Variants in CD300LF observed in about 807,000 individuals in gnomAD.
The protein encoded by CD300LF is CD300 molecule like family member f, also known as CMRF35-like molecule 1.
A neutral mutation model predicts 32.2 loss-of-function variants in CD300LF; 27 were observed. That is an observed-to-expected ratio of 0.84 (90% CI 0.62 to 1.15). The LOEUF is 1.15. CD300LF is among the 50% of genes most tolerant of loss of function. The pLI, the probability that CD300LF is intolerant of heterozygous loss-of-function variation, is 0.00. For missense variants in CD300LF, 348 were observed against 356.8 expected (o/e 0.98, Z 0.20); for synonymous variants, 139 against 143.2 (o/e 0.97, Z 0.21).
At chr17:74,702,922 C>A in intron 3 of CD300LF, 113 bp downstream of exon 3, 1 of 866,142 alleles carries the variant, frequency 1.2e-6, no homozygotes, top group East Asian at 2.5e-5. Context: ...TCATCCTCAC[C>A]AAGGAGCATG....
At chr17:74,707,200 C>T (rs2033591512) in intron 1 of CD300LF, among the ~76,000 whole-genome samples, 1 of 152,174 alleles carries the variant, frequency 6.6e-6, no homozygotes, top group Non-Finnish European at 1.5e-5. Flanking sequence ...AAGCGACAAC[C>T]TACAGAGTGA....
chr17:74,704,590 C>T lies in CD300LF; in HGVS notation c.270G>A (p.Thr90=), dbSNP rs149941064. Residue 90 remains threonine (T), a synonymous_variant, in exon 2 of 7, where the codon ACG becomes ACA. Transcript: ENST00000326165. ...TGAGATCCTCCATGGTCACAGTGAACGTGCGGTTTTTCTGATTGTCCTTGA... is the reference window on the plus strand; with the variant it reads ...TGAGATCCTCCATGGTCACAGTGAATGTGCGGTTTTTCTGATTGTCCTTGA... ...VSIKDNQKNR[T]FTVTMEDLMK... 71 of 1,614,046 alleles carry T rather than the reference C, an allele frequency of 4.4e-5. No individual in the cohort carries two copies. The highest frequency in any genetic ancestry group is 5.8e-5 in the Non-Finnish European group (69 of 1,180,034).
chr17:74,696,019 C>A (rs907448152), intron 5 of CD300LF, among the ~76,000 whole-genome samples, 160 bp from the exon 6 acceptor site: 1 of 152,184 alleles, frequency 6.6e-6, no homozygotes, highest in Non-Finnish European at 1.5e-5. Context: ...ACCCCTCAGC[C>A]CTTGTCCCCC....
At chr17:74,708,004 C>A (rs1256890143) in intron 1 of CD300LF, among the ~76,000 whole-genome samples, 1 of 151,568 alleles carries the variant, frequency 6.6e-6, no homozygotes, top group Non-Finnish European at 1.5e-5. Flanking sequence ...AAAAATTAGC[C>A]TGGCGTGGTG....
Position 74,695,103 on chromosome 17 carries a change from C to T in CD300LF, c.866G>A (p.Arg289Lys), listed in dbSNP as rs2032300400. ...EEPTEYSTIS[R>K]P The stretch of plus-strand genomic sequence containing the variant: ...AGGAGCCTGGAGTGCAGGCTAAGGC[C>T]TGCTGATGGTGCTGTATTCCGTGGG... The change falls in exon 7 of 7, where the codon AGG becomes AAG. Residue 289 changes from arginine (R) to lysine (K), a missense_variant. By Grantham distance (26) the Arg-to-Lys change is conservative. Transcript: ENST00000326165. 6.2e-7 allele frequency: 1 copy of T among 1,613,472 alleles called. No individual in the cohort carries two copies. Among genetic ancestry groups the T allele is most frequent in the African/African-American group, 1.3e-5 (1 of 74,894 alleles).
At chr17:74,702,886 G>A (rs571841977) in intron 3 of CD300LF, 149 bp downstream of exon 3, 4 of 640,996 alleles carry the variant, frequency 6.2e-6, no homozygotes, top group Admixed American at 2.7e-5. Flanking sequence ...TGGCCTGACA[G>A]CAAGTGGGAA....
In CD300LF at chr17:74,696,074, T is replaced by G. The variant is rs1011330546; in HGVS notation, c.582+121A>C. ...AGCCCCCAGGCCCTGCAGGGTGCCA[T>G]GAGGACAGGATACTTTGGCACAGGA... On this transcript the variant is annotated intron_variant, in intron 5 of 6. Coordinates refer to ENST00000326165, the MANE Select transcript of CD300LF (RefSeq NM_139018.5). 1.1e-5 allele frequency: 15 copies of G among 1,356,478 alleles called. No homozygotes were observed. The African/African-American group carries it at 1.6e-4, about 15-fold the overall frequency. 84.0% of individuals were successfully genotyped at this position (1,356,478 alleles called of 1,614,324 possible).
intron 4 of CD300LF, 132 bp from the exon 5 acceptor site, chr17:74,696,349 C>T: frequency 1.1e-6 from 1 of 892,670 alleles, no homozygotes; most frequent in Non-Finnish European, 1.7e-6. Context: ...GGACCTGGTT[C>T]TAATTCTGAT....
In CD300LF at chr17:74,694,531, T is replaced by G. The variant is rs1038175870; in HGVS notation, c.*565A>C. ...CCCACGTCCACTTCCATCATCACTT[T>G]GTCTCTACCTCTTTGACCTTCTGGC... On this transcript the variant is annotated 3_prime_UTR_variant, in exon 7 of 7. Transcript: ENST00000326165. 1.3e-5 allele frequency: 2 copies of G among 152,260 alleles called. No homozygotes were observed. Among genetic ancestry groups the G allele is most frequent in the Non-Finnish European group, 2.9e-5 (2 of 68,066 alleles). 9.4% of individuals were successfully genotyped at this position (152,260 alleles called of 1,614,324 possible).
At chr17:74,706,315 A>AT (rs1255491818) in intron 1 of CD300LF, among the ~76,000 whole-genome samples, 4 of 149,912 alleles carry the variant, frequency 2.7e-5, no homozygotes. Flanking sequence ...AAGTGCTGCG[A>AT]TTATAGGTGT....
chr17:74,705,094 C>T (rs555598691), intron 1 of CD300LF: 16 of 655,202 alleles, frequency 2.4e-5, no homozygotes, highest in Admixed American at 8.9e-5. Context: ...CTCCACCCTA[C>T]GGCCAAGGTA....
Position 74,704,816 on chromosome 17 carries a change from C to T in CD300LF, c.44G>A (p.Gly15Asp), listed in dbSNP as rs958751860. Residue 15 changes from glycine (G) to aspartate (D), a missense_variant and splice_region_variant, in exon 2 of 7, where the codon GGC becomes GAC. Gly to Asp is a moderately conservative substitution (Grantham distance 94, BLOSUM62 -1). Transcript: ENST00000326165. ...TLYLLLFWLS[G>D]YSIVTQITGP... ...GGTGATTTGAGTGACAATGGAGTAG[C>T]CTGGAAAACACAAATTCATGTGCTG... 1 of 1,607,912 alleles carries T rather than the reference C, an allele frequency of 6.2e-7. No individual in the cohort carries two copies. Among genetic ancestry groups the T allele is most frequent in the East Asian group, 2.2e-5 (1 of 44,774 alleles).
chr17:74,702,243 C>T (rs150725310), intron 3 of CD300LF, among the ~76,000 whole-genome samples: 1 of 152,000 alleles, frequency 6.6e-6, no homozygotes, highest in Admixed American at 6.6e-5. Context: ...GGGGACGTTC[C>T]TCTTCTAGAA....
intron 3 of CD300LF, among the ~76,000 whole-genome samples, chr17:74,702,172 C>T (rs1446958311): frequency 1.3e-5 from 2 of 151,982 alleles, no homozygotes; most frequent in Non-Finnish European, 2.9e-5. Flanking sequence ...GAGAACTTGG[C>T]ACTTGGCAGA....
intron 3 of CD300LF, 50 bp downstream of exon 3, chr17:74,702,985 T>G: frequency 1.4e-5 from 19 of 1,403,966 alleles, no homozygotes; most frequent in East Asian, 2.3e-5. Context: ...GAGTTCTCCA[T>G]TGGAGGAGTT....
chr17:74,711,053 A>G (rs149810093), intron 1 of CD300LF, among the ~76,000 whole-genome samples: 1 of 151,952 alleles, frequency 6.6e-6, no homozygotes, highest in East Asian at 1.9e-4. Flanking sequence ...AAAATAAAAA[A>G]CCTTCCTTTC....
At chr17:74,705,467 T>C (rs1354165618) in intron 1 of CD300LF, 8 of 501,542 alleles carry the variant, frequency 1.6e-5, no homozygotes. Flanking sequence ...TTTCCCATTC[T>C]GTTCCATTGA....
intron 1 of CD300LF, among the ~76,000 whole-genome samples, chr17:74,708,691 C>T (rs985437463): frequency 6.6e-5 from 10 of 152,212 alleles, no homozygotes; most frequent in South Asian, 4.1e-4. Flanking sequence ...CCAAGGCGGG[C>T]GGATCAGGAG....
At chr17:74,704,079 C>T (rs1054999222) in intron 2 of CD300LF, among the ~76,000 whole-genome samples, 1 of 152,150 alleles carries the variant, frequency 6.6e-6, no homozygotes, top group Non-Finnish European at 1.5e-5. Context: ...AGCTATGAAG[C>T]CCCAGCCCAG....
Sources: allele counts gnomAD v4.1 joint callset (sites outside exome capture counted in the v4.1 genomes callset), GRCh38; gene constraint gnomAD v4.1.1; transcripts MANE v1.5; gene names NCBI Gene and HGNC (gene_info 2026-07-23, HGNC 2026-07-21).